Variants in GPATCH8 observed in about 807,000 individuals in gnomAD.
The protein encoded by GPATCH8 is G-patch domain containing 8.
A neutral mutation model predicts 118.3 loss-of-function variants in GPATCH8; 18 were observed. The ratio of observed to expected loss-of-function variants is 0.15; its 90% confidence interval spans 0.11 to 0.23. The LOEUF (loss-of-function observed/expected upper bound fraction) is 0.23, where lower values mean the gene tolerates loss of function less well. GPATCH8 is among the 10% of genes least tolerant of loss of function. The pLI is 1.00. For missense variants in GPATCH8, 1,631 were observed against 1,873.8 expected, an observed-to-expected ratio of 0.87 and a Z score of 2.39; for synonymous variants, 659 against 684.7, an observed-to-expected ratio of 0.96 and a Z score of 0.59.
chr17:44,483,179 ATATATATATATATATAT>A lies in GPATCH8; in HGVS notation c.46-8293_46-8277del, dbSNP rs1968456280. ...CAAAAAAAAAAAAAAAAAAAAAAAT[ATATATATATATATATAT>A]ATATATATATATATATATATACAGC... On this transcript the variant is annotated intron_variant, in intron 1 of 7. Coordinates refer to ENST00000591680, the MANE Select transcript of GPATCH8 (RefSeq NM_001002909.4). Among the ~76,000 whole-genome samples the A allele has an allele frequency of 8.5e-4, 17 of 19,990 alleles. 1 individual carries two copies. Among genetic ancestry groups the A allele is most frequent in the African/African-American group, 1.8e-3 (8 of 4,356 alleles). 13.1% of individuals were successfully genotyped at this position (19,990 alleles called of 152,430 possible). A position where few individuals can be genotyped will look rare whatever the true frequency, so the allele number is the denominator to read the frequency against.
intron 3 of GPATCH8, among the ~76,000 whole-genome samples, chr17:44,454,892 A>G (rs2051267927): frequency 6.6e-6 from 1 of 152,214 alleles, no homozygotes; most frequent in South Asian, 2.1e-4. Flanking sequence ...TGGATTGTGA[A>G]TAACTAAAAT....
At chr17:44,448,501 AAAG>A (rs1172324143) in intron 3 of GPATCH8, among the ~76,000 whole-genome samples, 7 of 107,262 alleles carry the variant, frequency 6.5e-5, no homozygotes, top group Admixed American at 2.7e-4. Flanking sequence ...AAAAAAAAAA[AAAG>A]GGGGGGGGGG....
chr17:44,455,605 A>G (rs968727011), intron 3 of GPATCH8, among the ~76,000 whole-genome samples: 2 of 152,206 alleles, frequency 1.3e-5, no homozygotes, highest in Non-Finnish European at 2.9e-5. Context: ...TATTTGGCAC[A>G]TAATAAATAT....
intron 1 of GPATCH8, among the ~76,000 whole-genome samples, chr17:44,490,504 T>A (rs142800807): frequency 6.6e-6 from 1 of 152,130 alleles, no homozygotes; most frequent in Non-Finnish European, 1.5e-5. Context: ...TTTAAAAAAA[T>A]GATGACTGCT....
At position 44,399,644 on chromosome 17, in the gene GPATCH8, G is replaced by A; in HGVS notation, c.2433C>T (p.Ser811=). 8 of 1,614,162 alleles carry A rather than the reference G, an allele frequency of 5.0e-6. No homozygotes were observed. The highest frequency in any genetic ancestry group is 5.9e-6 in the Non-Finnish European group (7 of 1,180,014). ...TATCCTCATCTCCACTACTGGGTTG[G>A]CTCCGATGGCTAGACCGGCTGCTCC... ...TKRSSRSSHR[S]QPSSGDEDSD... The change falls in exon 8 of 8, where the codon AGC becomes AGT. Residue 811 remains serine, a synonymous_variant. Transcript: ENST00000591680.
At chr17:44,427,342 T>A (rs963628804) in intron 5 of GPATCH8, among the ~76,000 whole-genome samples, 2 of 151,830 alleles carry the variant, frequency 1.3e-5, no homozygotes, top group Non-Finnish European at 2.9e-5. Context: ...CATATATATA[T>A]AAATAATTCA....
intron 3 of GPATCH8, among the ~76,000 whole-genome samples, chr17:44,460,616 A>G (rs2051508410): frequency 6.6e-6 from 1 of 152,192 alleles, no homozygotes; most frequent in Non-Finnish European, 1.5e-5. Flanking sequence ...AAAAAAGCCC[A>G]AAAGGACCAG....
At position 44,400,286 on chromosome 17, in the gene GPATCH8, G is replaced by A; in HGVS notation, c.1791C>T (p.Ser597=). ...GGCCTTGGAGATGGTCCTTTGAGGA[G>A]CTTCCTATATCCTTTGGTTTTTCTG... ...KGTEKPKDIG[S]SSKDHLQGLD... is the part of the protein sequence containing the mutation. Residue 597 remains serine (S), a synonymous_variant, in exon 8 of 8, where the codon AGC becomes AGT. Coordinates refer to ENST00000591680, the MANE Select transcript of GPATCH8 (RefSeq NM_001002909.4). 2.5e-6 allele frequency: 4 copies of A among 1,613,982 alleles called. No individual in the cohort carries two copies. The highest frequency in any genetic ancestry group is 3.4e-6 in the Non-Finnish European group (4 of 1,179,858).
intron 1 of GPATCH8, chr17:44,486,594 T>C (rs1353886272): frequency 1.3e-5 from 2 of 152,218 alleles, no homozygotes; most frequent in Non-Finnish European, 2.9e-5. Flanking sequence ...ATGTCTTTAA[T>C]TTTTTAGTAT....
intron 1 of GPATCH8, among the ~76,000 whole-genome samples, chr17:44,498,576 CA>C (rs1303375254): frequency 2.0e-5 from 3 of 152,206 alleles, no homozygotes; most frequent in African/African-American, 7.2e-5. Context: ...ATGTCAATAT[CA>C]TTTTGCATTT....
intron 1 of GPATCH8, among the ~76,000 whole-genome samples, chr17:44,492,450 T>C (rs971939269): frequency 6.6e-6 from 1 of 151,050 alleles, no homozygotes; most frequent in Non-Finnish European, 1.5e-5. Context: ...TGGGCTCCTG[T>C]AGTCCCAGCT....
intron 1 of GPATCH8, among the ~76,000 whole-genome samples, chr17:44,488,202 C>A (rs1390138780): frequency 2.1e-5 from 3 of 139,866 alleles, no homozygotes; most frequent in African/African-American, 8.0e-5. Flanking sequence ...GGATTACAGG[C>A]ATGAGCCACC....
chr17:44,503,124 CA>C (rs1970218461), intron 1 of GPATCH8, among the ~76,000 whole-genome samples: 1 of 152,200 alleles, frequency 6.6e-6, no homozygotes, highest in South Asian at 2.1e-4. Context: ...GCCTGAGTTT[CA>C]GGGGTAAGAG....
At position 44,399,921 on chromosome 17, in the gene GPATCH8, T is replaced by C. The variant is rs1567931074; in HGVS notation, c.2156A>G (p.Asn719Ser). The change falls in exon 8 of 8, where the codon AAT becomes AGT. Residue 719 changes from asparagine to serine, a missense_variant. Transcript: ENST00000591680. ...KKRKKRKRKK[N>S]KSSAPADSER... is the part of the protein sequence containing the mutation. ...AGAATCTGCTGGGGCTGATGACTTA[T>C]TCTTCTTTCGTTTTCGTTTCTTGCG... 3.7e-6 allele frequency: 6 copies of C among 1,613,272 alleles called. No individual in the cohort carries two copies. The highest frequency in any genetic ancestry group is 4.5e-5 in the East Asian group (2 of 44,872).
chr17:44,452,272 CAA>C (rs1187689963), intron 3 of GPATCH8, among the ~76,000 whole-genome samples: 91 of 43,532 alleles, frequency 2.1e-3, no homozygotes, highest in African/African-American at 5.4e-3. Context: ...CACTCCGTCT[CAA>C]AAAAAAAAAA....
At chr17:44,458,704 T>A (rs1373286564) in intron 3 of GPATCH8, among the ~76,000 whole-genome samples, 3 of 151,992 alleles carry the variant, frequency 2.0e-5, no homozygotes, top group Non-Finnish European at 1.5e-5. Flanking sequence ...TTTTTAAAAT[T>A]TTTTAGGAAC....
intron 2 of GPATCH8, among the ~76,000 whole-genome samples, chr17:44,470,607 C>T (rs1967204882): frequency 6.6e-6 from 1 of 152,002 alleles, no homozygotes; most frequent in African/African-American, 2.4e-5. Flanking sequence ...AGCAATCCTC[C>T]TGCCTCAGCC....
At chr17:44,477,715 AAAG>A (rs893088797) in intron 1 of GPATCH8, among the ~76,000 whole-genome samples, 1 of 152,184 alleles carries the variant, frequency 6.6e-6, no homozygotes, top group African/African-American at 2.4e-5. Flanking sequence ...ACAAAAAAAA[AAAG>A]GACTTAAAAG....
intron 2 of GPATCH8, among the ~76,000 whole-genome samples, chr17:44,469,859 T>C (rs374140272): frequency 6.6e-6 from 1 of 152,222 alleles, no homozygotes; most frequent in African/African-American, 2.4e-5. Flanking sequence ...TGGTCACTGC[T>C]AAATGTCAAA....
Sources: allele counts gnomAD v4.1 joint callset (sites outside exome capture counted in the v4.1 genomes callset), GRCh38; gene constraint gnomAD v4.1.1; transcripts MANE v1.5; gene names NCBI Gene and HGNC (gene_info 2026-07-23, HGNC 2026-07-21).